The following TBX15 variants were observed in gnomAD, a reference collection of about 807,000 sequenced individuals.
TBX15 encodes the protein T-box transcription factor 15, also known as T-box transcription factor TBX15.
In TBX15, 18 loss-of-function variants were observed where a neutral mutation model predicts 53.9. That is an observed-to-expected ratio of 0.33 (90% confidence interval 0.23 to 0.49). TBX15 has a LOEUF of 0.49. Among genes scored for constraint, TBX15 ranks in the 20% least tolerant of loss-of-function variants. The probability of loss-of-function intolerance (pLI) is 0.98; values close to 1 mark genes in which losing one functional copy is unlikely to be tolerated. For synonymous variants in TBX15, 295 were observed against 278.0 expected (o/e 1.06, Z -0.61); for missense variants, 692 against 749.5 (o/e 0.92, Z 0.90).
intron 1 of TBX15, among the ~76,000 whole-genome samples, chr1:118,981,175 G>A (rs1287414247): frequency 6.6e-6 from 1 of 152,240 alleles, no homozygotes; most frequent in Non-Finnish European, 1.5e-5. Flanking sequence ...TTATTTACAA[G>A]TTAAATGAAA....
chr1:118,903,449 C>T (rs1051502308), intron 6 of TBX15, among the ~76,000 whole-genome samples: 1 of 152,166 alleles, frequency 6.6e-6, no homozygotes, highest in African/African-American at 2.4e-5. Context: ...CATGACCCTA[C>T]TTGGTAGCAC....
At position 118,897,854 on chromosome 1, in the gene TBX15, C is replaced by T. The variant is rs140907309; in HGVS notation, c.1024+1174G>A. Among the ~76,000 whole-genome samples, 130 of 152,180 alleles carry T rather than the reference C, an allele frequency of 8.5e-4. 1 individual carries two copies. The highest frequency in any genetic ancestry group is 3.4e-3 in the Middle Eastern group (1 of 294). ...GGAAATTCTGGATCACTTACTTCAC[C>T]AGATCGCTGTGAAAATGAATAGTCT... On this transcript the variant is annotated intron_variant, in intron 7 of 7. Transcript: ENST00000369429.
chr1:118,895,380 C>T (rs1447834294), intron 7 of TBX15, among the ~76,000 whole-genome samples: 1 of 152,156 alleles, frequency 6.6e-6, no homozygotes, highest in Admixed American at 6.6e-5. Flanking sequence ...TATCAAATAG[C>T]TTGAAGTCAC....
At chr1:118,960,422 C>T (rs1000929537) in intron 1 of TBX15, among the ~76,000 whole-genome samples, 7 of 152,220 alleles carry the variant, frequency 4.6e-5, no homozygotes, top group African/African-American at 1.4e-4. Context: ...CTTGCACCTC[C>T]ATCTAACCTT....
chr1:118,919,116 T>C (rs1278800322), intron 5 of TBX15, among the ~76,000 whole-genome samples: 1 of 152,236 alleles, frequency 6.6e-6, no homozygotes, highest in African/African-American at 2.4e-5. Context: ...CTGGTTCATG[T>C]AGCCAATTCT....
intron 1 of TBX15, among the ~76,000 whole-genome samples, chr1:118,959,063 T>C (rs972923668): frequency 5.8e-5 from 7 of 121,656 alleles, no homozygotes; most frequent in Non-Finnish European, 1.1e-4. Flanking sequence ...AGTATGTGTG[T>C]GTGAAGTTAA....
At chr1:118,981,967 A>G (rs1657666774) in intron 1 of TBX15, among the ~76,000 whole-genome samples, 1 of 152,256 alleles carries the variant, frequency 6.6e-6, no homozygotes, top group African/African-American at 2.4e-5. Flanking sequence ...ACATTCCACC[A>G]GTTCCTTAGT....
rs183916258 is a variant in TBX15 at position 118,951,531 on chromosome 1, C to G, written c.206-19699G>C. Among the ~76,000 whole-genome samples the G allele has an allele frequency of 2.0e-4, 31 of 152,310 alleles. No homozygotes were observed. The East Asian group carries it at 5.2e-3, about 26-fold the overall frequency. On this transcript the variant is annotated intron_variant, in intron 1 of 7. Transcript: ENST00000369429. ...GAGACCCAGAACCCTGGTCCTTCCT[C>G]TCTTGTTGGCAAGGTCTCCAAATGG...
Position 118,988,165 on chromosome 1 carries a change from CT to C in TBX15, c.-371del. On this transcript the variant is annotated 5_prime_UTR_variant, in exon 1 of 8. Coordinates refer to ENST00000369429, the MANE Select transcript of TBX15 (RefSeq NM_001330677.2). ...TTCTCTCTCCTCTCTCTCTCTCTCT[CT>C]CTCTCCCCTCCCTCTCTTTTTCTCT... is the stretch of plus-strand genomic sequence containing the variant. 1 of 229,002 alleles carries C rather than the reference CT, an allele frequency of 4.4e-6. No individual in the cohort carries two copies. The highest frequency in any genetic ancestry group is 8.5e-6 in the Non-Finnish European group (1 of 118,294). 14.2% of individuals were successfully genotyped at this position (229,002 alleles called of 1,614,324 possible).
At position 118,883,653 on chromosome 1, in the gene TBX15, T is replaced by G. The variant is rs1653807592; in HGVS notation, c.*1079A>C. On this transcript the variant is annotated 3_prime_UTR_variant, in exon 8 of 8. Coordinates refer to ENST00000369429, the MANE Select transcript of TBX15 (RefSeq NM_001330677.2). ...TTTTATTTTCCTTCCCCTACCAGGC[T>G]GCATGCTGTGGAATCAGCACTTCCC... 1 of 152,278 alleles carries G rather than the reference T, an allele frequency of 6.6e-6. No individual in the cohort carries two copies. Among genetic ancestry groups the G allele is most frequent in the African/African-American group, 2.4e-5 (1 of 41,456 alleles). The allele number at this position is 152,278 out of a possible 1,614,324, so 9.4% of individuals were successfully genotyped here.
At chr1:118,936,843 A>G (rs1655988164) in intron 1 of TBX15, among the ~76,000 whole-genome samples, 1 of 152,214 alleles carries the variant, frequency 6.6e-6, no homozygotes, top group Admixed American at 6.5e-5. Flanking sequence ...TGTCCAGCAC[A>G]GAAGACTACA....
At chr1:118,912,234 A>C (rs1198776327) in intron 6 of TBX15, among the ~76,000 whole-genome samples, 1 of 152,234 alleles carries the variant, frequency 6.6e-6, no homozygotes, top group African/African-American at 2.4e-5. Flanking sequence ...AAAAGAAAGA[A>C]ATAGTTTAAT....
At chr1:118,983,035 G>A (rs1210508683) in intron 1 of TBX15, among the ~76,000 whole-genome samples, 1 of 152,214 alleles carries the variant, frequency 6.6e-6, no homozygotes, top group Non-Finnish European at 1.5e-5. Flanking sequence ...CTTCCCCAGC[G>A]GGTCTCTGAG....
chr1:118,983,557 C>G (rs990687949), intron 1 of TBX15, among the ~76,000 whole-genome samples: 3 of 152,192 alleles, frequency 2.0e-5, no homozygotes, highest in Non-Finnish European at 4.4e-5. Context: ...GGCCTTAGAT[C>G]CCTCTCGCTT....
At chr1:118,895,216 A>T (rs1488814098) in intron 7 of TBX15, among the ~76,000 whole-genome samples, 2 of 152,172 alleles carry the variant, frequency 1.3e-5, no homozygotes, top group Non-Finnish European at 2.9e-5. Flanking sequence ...ACAAACACTG[A>T]AACACCCAAT....
At chr1:118,933,788 C>CA (rs1655879233) in intron 1 of TBX15, among the ~76,000 whole-genome samples, 1 of 151,948 alleles carries the variant, frequency 6.6e-6, no homozygotes, top group South Asian at 2.1e-4. Flanking sequence ...GTAAATTTTT[C>CA]AAAAAACCTC....
intron 1 of TBX15, among the ~76,000 whole-genome samples, chr1:118,946,870 T>C (rs969051306): frequency 2.6e-5 from 4 of 152,218 alleles, no homozygotes; most frequent in African/African-American, 9.6e-5. Flanking sequence ...GCTTTTCCTT[T>C]GGTCTTGCTG....
intron 5 of TBX15, among the ~76,000 whole-genome samples, chr1:118,921,235 T>C (rs764880110): frequency 6.6e-6 from 1 of 152,076 alleles, no homozygotes; most frequent in Non-Finnish European, 1.5e-5. Context: ...GAGTCATAAA[T>C]AAACAGTATC....
chr1:118,941,644 T>C (rs1656180673), intron 1 of TBX15, among the ~76,000 whole-genome samples: 1 of 152,228 alleles, frequency 6.6e-6, no homozygotes, highest in Non-Finnish European at 1.5e-5. Context: ...ATTCATTTTC[T>C]AGGCTGGGCC....
Sources: allele counts gnomAD v4.1 joint callset (sites outside exome capture counted in the v4.1 genomes callset), GRCh38; gene constraint gnomAD v4.1.1; transcripts MANE v1.5; gene names NCBI Gene and HGNC (gene_info 2026-07-23, HGNC 2026-07-21).